TRIP12: variants seen among roughly 807,000 people sequenced by gnomAD.
The protein encoded by TRIP12 is E3 ubiquitin-protein ligase TRIP12.
In TRIP12, 25 loss-of-function variants were observed where a neutral mutation model predicts 244.2. The observed-to-expected ratio is 0.10, with a 90% CI of 0.07 to 0.14. TRIP12 has a LOEUF of 0.14. Ranked by LOEUF, TRIP12 falls within the 10% of genes least tolerant of loss-of-function variation. The pLI, the probability that TRIP12 is intolerant of heterozygous loss-of-function variation, is 1.00. For synonymous variants in TRIP12, 905 were observed against 873.1 expected (o/e 1.04, Z -0.64); for missense variants, 1,677 against 2,486.4 (o/e 0.67, Z 6.92).
chr2:229,885,600 T>G (rs2065849734), intron 1 of TRIP12, among the ~76,000 whole-genome samples: 9 of 152,260 alleles, frequency 5.9e-5, no homozygotes, highest in Middle Eastern at 3.4e-3. Context: ...ATTAAACCAC[T>G]ACAATAAAAC....
At chr2:229,783,400 G>A (rs2038932410) in intron 34 of TRIP12, among the ~76,000 whole-genome samples, 1 of 152,122 alleles carries the variant, frequency 6.6e-6, no homozygotes, top group Non-Finnish European at 1.5e-5. Context: ...CAAGCCATGG[G>A]TCTACAATAA....
At chr2:229,806,464 A>C (rs1488312219) in intron 17 of TRIP12, among the ~76,000 whole-genome samples, 3 of 152,234 alleles carry the variant, frequency 2.0e-5, no homozygotes, top group Non-Finnish European at 2.9e-5. Context: ...TTGACTTTAA[A>C]CAGACTACAG....
At chr2:229,799,927 T>C in intron 21 of TRIP12, among the ~76,000 whole-genome samples, 1 of 152,204 alleles carries the variant, frequency 6.6e-6, no homozygotes, top group East Asian at 1.9e-4. Flanking sequence ...CTATGAAACA[T>C]AAAGCCAGAT....
chr2:229,825,154 G>A (rs780658043), intron 8 of TRIP12, among the ~76,000 whole-genome samples: 2 of 152,098 alleles, frequency 1.3e-5, no homozygotes, highest in African/African-American at 4.8e-5. Flanking sequence ...TTGAAATCTC[G>A]TACTGTGGGA....
In TRIP12 at chr2:229,818,518, G is replaced by C; in HGVS notation, c.1451-6C>G. The stretch of plus-strand genomic sequence containing the variant: ...TAGCTGCTGGGCCTTAGAACCTTTA[G>C]AGAAAAAAATAATTATTATCTTTAA... On this transcript the variant is annotated splice_polypyrimidine_tract_variant and splice_region_variant and intron_variant, in intron 8 of 41. Coordinates refer to ENST00000675903, the MANE Select transcript of TRIP12 (RefSeq NM_001348323.3). 6.2e-7 allele frequency: 1 copy of C among 1,608,822 alleles called. No individual in the cohort carries two copies. Among genetic ancestry groups the C allele is most frequent in the Non-Finnish European group, 8.5e-7 (1 of 1,178,256 alleles).
chr2:229,813,609 C>T (rs999503815), intron 13 of TRIP12, among the ~76,000 whole-genome samples: 3 of 151,920 alleles, frequency 2.0e-5, no homozygotes, highest in Admixed American at 6.6e-5. Flanking sequence ...CATAGCAAAA[C>T]CCCATCTCTA....
chr2:229,858,342 G>A lies in TRIP12; in HGVS notation c.1027+430C>T, dbSNP rs140898712. 2.3e-3 allele frequency among the ~76,000 whole-genome samples: 357 copies of A among 152,236 alleles called. 1 individual carries two copies. Among genetic ancestry groups the A allele is most frequent in the African/African-American group, 8.0e-3 (332 of 41,524 alleles). On this transcript the variant is annotated intron_variant, in intron 4 of 41. Transcript: ENST00000675903. Reference sequence around the variant, plus strand: ...TGCGCCACTGCACTCCAGCCTAGGCGACAGAGTGAGACTCCATCTAAAAAA... The same window carrying A: ...TGCGCCACTGCACTCCAGCCTAGGCAACAGAGTGAGACTCCATCTAAAAAA...
chr2:229,868,640 G>C (rs1192658609), intron 2 of TRIP12, among the ~76,000 whole-genome samples: 1 of 152,012 alleles, frequency 6.6e-6, no homozygotes, highest in Non-Finnish European at 1.5e-5. Flanking sequence ...GCTTCTGACT[G>C]AACAAATGAG....
At chr2:229,902,771 C>T (rs2071355922) in intron 1 of TRIP12, among the ~76,000 whole-genome samples, 1 of 152,184 alleles carries the variant, frequency 6.6e-6, no homozygotes, top group Non-Finnish European at 1.5e-5. Context: ...GGCATCCAGA[C>T]TTAAAAGGTC....
chr2:229,844,996 C>T (rs778746103), intron 4 of TRIP12, among the ~76,000 whole-genome samples: 7 of 152,224 alleles, frequency 4.6e-5, no homozygotes, highest in Admixed American at 6.5e-5. Flanking sequence ...CAATCCTCAC[C>T]ATCATCACCC....
At chr2:229,835,050 C>A (rs1450526869) in intron 6 of TRIP12, among the ~76,000 whole-genome samples, 1 of 152,186 alleles carries the variant, frequency 6.6e-6, no homozygotes, top group Non-Finnish European at 1.5e-5. Flanking sequence ...CCATTTTACA[C>A]ATGCAGAAAC....
intron 2 of TRIP12, among the ~76,000 whole-genome samples, chr2:229,867,155 TTTTG>T (rs1299978362): frequency 2.1e-5 from 2 of 95,042 alleles, no homozygotes; most frequent in African/African-American, 7.1e-5. Flanking sequence ...GAAGGTTTTT[TTTTG>T]TTTGTTTGTT....
At chr2:229,769,383 G>A (rs1268874806) in intron 39 of TRIP12, 58 bp from the exon 40 acceptor site, 1 of 1,505,230 alleles carries the variant, frequency 6.6e-7, no homozygotes, top group African/African-American at 1.4e-5. Context: ...TTACGTGAGT[G>A]AAAATAAAGG....
intron 11 of TRIP12, chr2:229,814,548 A>G: frequency 2.5e-6 from 1 of 398,170 alleles, no homozygotes; most frequent in East Asian, 3.8e-5. Context: ...TGTTTTACAT[A>G]ATAAACCAAA....
chr2:229,795,469 T>C, intron 25 of TRIP12, 139 bp from the exon 26 acceptor site: 1 of 997,602 alleles, frequency 1.0e-6, no homozygotes, highest in Non-Finnish European at 1.4e-6. Flanking sequence ...AGATTTGGTT[T>C]GAACGATGTT....
chr2:229,864,863 T>C (rs962555095), intron 2 of TRIP12, among the ~76,000 whole-genome samples: 1 of 152,202 alleles, frequency 6.6e-6, no homozygotes, highest in Admixed American at 6.5e-5. Flanking sequence ...CAAATGCCTC[T>C]GAGTGTTAAC....
At chr2:229,891,593 C>T (rs1459458008) in intron 1 of TRIP12, among the ~76,000 whole-genome samples, 1 of 151,896 alleles carries the variant, frequency 6.6e-6, no homozygotes, top group Non-Finnish European at 1.5e-5. Flanking sequence ...CAGAGGGAGA[C>T]CCTGCGTCAA....
intron 8 of TRIP12, among the ~76,000 whole-genome samples, chr2:229,824,103 G>A (rs1353322329): frequency 6.6e-6 from 1 of 152,068 alleles, no homozygotes; most frequent in Non-Finnish European, 1.5e-5. Flanking sequence ...CATAAAGGAG[G>A]GCAGGAGGTA....
Position 229,778,154 on chromosome 2 carries a change from A to T in TRIP12, c.5364+279T>A, listed in dbSNP as rs1012800838. Among the ~76,000 whole-genome samples the T allele has an allele frequency of 1.3e-5, 2 of 152,238 alleles. No individual in the cohort carries two copies. Among genetic ancestry groups the T allele is most frequent in the African/African-American group, 2.4e-5 (1 of 41,470 alleles). On this transcript the variant is annotated intron_variant, in intron 36 of 41. Coordinates refer to ENST00000675903, the MANE Select transcript of TRIP12 (RefSeq NM_001348323.3). This position sits in a 1 kb window ranked among gnomAD's most constrained non-coding sequence, Gnocchi z 4.1. ...TAATACCACCTTAACTTGCCTGATT[A>T]TCTGAACCCTTGCTATCCAAGGAGG...
Sources: allele counts gnomAD v4.1 joint callset (sites outside exome capture counted in the v4.1 genomes callset), GRCh38; gene constraint gnomAD v4.1.1; non-coding constraint Gnocchi (gnomAD v3.1); transcripts MANE v1.5; gene names NCBI Gene and HGNC (gene_info 2026-07-23, HGNC 2026-07-21).